Variants in CHODL observed in about 807,000 individuals in gnomAD.
CHODL encodes the protein transmembrane protein MT75.
A neutral mutation model predicts 34.5 loss-of-function variants in CHODL; 29 were observed. The ratio of observed to expected loss-of-function variants is 0.84; its 90% confidence interval spans 0.63 to 1.15. The LOEUF (loss-of-function observed/expected upper bound fraction) is 1.15, where lower values mean the gene tolerates loss of function less well. Ranked by LOEUF, CHODL falls within the 50% of genes most tolerant of loss-of-function variation. The pLI is 0.00. For synonymous variants in CHODL, 125 were observed against 116.1 expected (o/e 1.08, Z -0.49); for missense variants, 332 against 332.5 (o/e 1.00, Z 0.01).
At chr21:18,129,268 GA>G (rs1206439222) in intron 2 of CHODL, among the ~76,000 whole-genome samples, 2 of 89,106 alleles carry the variant, frequency 2.2e-5, no homozygotes, top group African/African-American at 8.3e-5. Flanking sequence ...ACAAAGAAGA[GA>G]TTTTTTTTTT....
At chr21:18,111,611 C>T (rs991872750) in intron 2 of CHODL, among the ~76,000 whole-genome samples, 2 of 152,138 alleles carry the variant, frequency 1.3e-5, no homozygotes, top group Admixed American at 1.3e-4. Context: ...ACACTTTAAT[C>T]ACAAAGTGGG....
At chr21:17,982,866 C>T (rs985745587) in intron 1 of CHODL, among the ~76,000 whole-genome samples, 2 of 151,144 alleles carry the variant, frequency 1.3e-5, no homozygotes, top group East Asian at 3.9e-4. Flanking sequence ...ATGAACCACC[C>T]ACTCCCTCCA....
chr21:18,248,419 T>C (rs1204159592), intron 1 of CHODL, among the ~76,000 whole-genome samples: 2 of 151,248 alleles, frequency 1.3e-5, no homozygotes, highest in Non-Finnish European at 3.0e-5. Context: ...CTCTCGGGCA[T>C]GAAAGGAACA....
chr21:17,970,433 T>C (rs926103310), intron 1 of CHODL, among the ~76,000 whole-genome samples: 6 of 152,170 alleles, frequency 3.9e-5, no homozygotes, highest in African/African-American at 1.4e-4. Context: ...GTTTGGGGTG[T>C]AACCATTCAT....
At chr21:18,006,571 G>A (rs186581387) in intron 1 of CHODL, among the ~76,000 whole-genome samples, 1 of 152,236 alleles carries the variant, frequency 6.6e-6, no homozygotes, top group Admixed American at 6.5e-5. Flanking sequence ...TCCTTACAGG[G>A]ACTTAGTGTT....
chr21:18,013,688 G>A (rs2064042926), intron 1 of CHODL, among the ~76,000 whole-genome samples: 1 of 117,628 alleles, frequency 8.5e-6, no homozygotes, highest in South Asian at 2.9e-4. Context: ...AGGCTGGAGT[G>A]CAGTGGTGTG....
chr21:18,064,946 A>G (rs1256375700), intron 2 of CHODL, among the ~76,000 whole-genome samples: 1 of 152,228 alleles, frequency 6.6e-6, no homozygotes, highest in Admixed American at 6.5e-5. Context: ...GATTTGTGTC[A>G]GTGGGACTAG....
intron 2 of CHODL, among the ~76,000 whole-genome samples, chr21:18,144,823 C>T (rs942720064): frequency 6.6e-6 from 1 of 150,652 alleles, no homozygotes; most frequent in Non-Finnish European, 1.5e-5. Flanking sequence ...GAAGTAAATA[C>T]TGATAAATTC....
At chr21:17,950,393 A>G (rs28660359) in intron 1 of CHODL, among the ~76,000 whole-genome samples, 47 of 151,926 alleles carry the variant, frequency 3.1e-4, no homozygotes, top group Admixed American at 1.2e-3. Flanking sequence ...GAGAGAGAGA[A>G]AAAAAATAGA....
chr21:18,116,217 T>G (rs1427205000), intron 2 of CHODL, among the ~76,000 whole-genome samples: 1 of 152,198 alleles, frequency 6.6e-6, no homozygotes, highest in Non-Finnish European at 1.5e-5. Flanking sequence ...AAAGCAAAGT[T>G]TTCTCCTGAG....
chr21:18,118,660 C>T (rs1357805297), intron 2 of CHODL, among the ~76,000 whole-genome samples: 1 of 152,088 alleles, frequency 6.6e-6, no homozygotes, highest in East Asian at 1.9e-4. Context: ...AAATAATTAA[C>T]TAAGGAAGGA....
chr21:18,211,995 C>T (rs2073779638), intron 2 of CHODL, among the ~76,000 whole-genome samples: 2 of 152,030 alleles, frequency 1.3e-5, no homozygotes, highest in African/African-American at 4.8e-5. Flanking sequence ...AATTGTTACA[C>T]AATAAATGTT....
At chr21:18,230,016 G>C (rs1006932684) in intron 2 of CHODL, among the ~76,000 whole-genome samples, 26 of 152,116 alleles carry the variant, frequency 1.7e-4, no homozygotes, top group Admixed American at 1.2e-3. Context: ...CCCAAAGAAG[G>C]TGTGAGGAAA....
intron 2 of CHODL, among the ~76,000 whole-genome samples, chr21:18,109,233 C>T (rs548705916): frequency 5.4e-4 from 82 of 152,030 alleles, no homozygotes; most frequent in Non-Finnish European, 9.9e-4. Context: ...GGGAATTGCC[C>T]ACCTCAAAAG....
chr21:18,055,354 A>G (rs142547729), intron 2 of CHODL, among the ~76,000 whole-genome samples: 2 of 152,176 alleles, frequency 1.3e-5, no homozygotes, highest in East Asian at 3.9e-4. Context: ...TCCTGAGATT[A>G]TCAATATCCT....
intron 2 of CHODL, among the ~76,000 whole-genome samples, chr21:18,122,804 G>A (rs1049112835): frequency 9.2e-5 from 14 of 152,090 alleles, no homozygotes; most frequent in African/African-American, 1.9e-4. Flanking sequence ...TCCATTAGAC[G>A]CTTATTTATC....
At chr21:18,240,278 G>T (rs762317555), upstream of CHODL, among the ~76,000 whole-genome samples, 15 of 151,944 alleles carry the variant, frequency 9.9e-5, 1 homozygote, top group Non-Finnish European at 1.0e-4. Flanking sequence ...TGACATTCTG[G>T]CTGGGTAGAA....
At chr21:18,194,106 A>G (rs555387318) in intron 2 of CHODL, among the ~76,000 whole-genome samples, 1 of 109,842 alleles carries the variant, frequency 9.1e-6, no homozygotes, top group East Asian at 2.7e-4. Context: ...CCTGATTATC[A>G]AAATAGCTAC....
At chr21:18,113,091 TCAAC>T (rs773867932) in intron 2 of CHODL, among the ~76,000 whole-genome samples, 1 of 152,078 alleles carries the variant, frequency 6.6e-6, no homozygotes, top group African/African-American at 2.4e-5. Flanking sequence ...AATAATCTGA[TCAAC>T]CAATGGGCAA....
Sources: gnomAD v4.1 joint callset for allele counts (sites outside exome capture counted in the v4.1 genomes callset) on GRCh38, gnomAD v4.1.1 for gene constraint, MANE v1.5 for transcripts, NCBI Gene and HGNC (gene_info 2026-07-23, HGNC 2026-07-21) for gene names.